Variants in AGBL4 observed in about 807,000 individuals in gnomAD.
AGBL4 encodes AGBL carboxypeptidase 4.
In AGBL4, 58 loss-of-function variants were observed where a neutral mutation model predicts 66.4. That is an observed-to-expected ratio of 0.87 (90% CI 0.71 to 1.09). AGBL4 has a LOEUF of 1.09. Among genes scored for constraint, AGBL4 ranks in the 50% least tolerant of loss-of-function variants. AGBL4 has a pLI of 0.00. For synonymous variants in AGBL4, 234 were observed against 222.9 expected (o/e 1.05, Z -0.44); for missense variants, 579 against 631.0 (o/e 0.92, Z 0.88).
intron 1 of AGBL4, among the ~76,000 whole-genome samples, chr1:49,938,651 T>C (rs555217675): frequency 1.3e-5 from 2 of 152,126 alleles, no homozygotes; most frequent in African/African-American, 2.4e-5. Flanking sequence ...TCCACCATGA[T>C]CAAGTGGGCT....
chr1:49,613,662 T>C (rs1645197401), intron 3 of AGBL4, among the ~76,000 whole-genome samples: 1 of 152,096 alleles, frequency 6.6e-6, no homozygotes, highest in African/African-American at 2.4e-5. Context: ...TCTGTCACTG[T>C]CTCCCATCAC....
At chr1:49,948,295 A>AAAATATATATAAATATATATAT (rs1557609269) in intron 1 of AGBL4, among the ~76,000 whole-genome samples, 4 of 107,732 alleles carry the variant, frequency 3.7e-5, no homozygotes, top group African/African-American at 1.6e-4. Flanking sequence ...TAAATATATA[A>AAAATATATATAAATATATATAT]AAATATATAT....
chr1:48,951,139 C>T (rs1294238514), intron 5 of AGBL4, among the ~76,000 whole-genome samples: 1 of 152,204 alleles, frequency 6.6e-6, no homozygotes, highest in Admixed American at 6.5e-5. Context: ...TAAGTCTAGA[C>T]TCAGCTCTCT....
intron 3 of AGBL4, among the ~76,000 whole-genome samples, chr1:49,582,894 G>A (rs1050312362): frequency 6.6e-6 from 1 of 152,150 alleles, no homozygotes; most frequent in Non-Finnish European, 1.5e-5. Flanking sequence ...CTATGCTCTT[G>A]CATGCCTATC....
chr1:49,333,187 A>ATAG (rs1438647040), intron 3 of AGBL4, among the ~76,000 whole-genome samples: 1 of 152,102 alleles, frequency 6.6e-6, no homozygotes, highest in Non-Finnish European at 1.5e-5. Context: ...AATAATAATA[A>ATAG]TAATAATAAA....
chr1:49,375,457 C>T (rs916764187), intron 3 of AGBL4, among the ~76,000 whole-genome samples: 7 of 151,980 alleles, frequency 4.6e-5, no homozygotes, highest in Admixed American at 4.6e-4. Context: ...CTTTAAAAGT[C>T]ACGGTGCCCT....
intron 4 of AGBL4, among the ~76,000 whole-genome samples, chr1:49,238,428 C>T (rs759978993): frequency 3.9e-5 from 6 of 152,060 alleles, no homozygotes; most frequent in Non-Finnish European, 8.8e-5. Context: ...TATTCAAGTT[C>T]ACTTATTCTC....
intron 3 of AGBL4, among the ~76,000 whole-genome samples, chr1:49,386,643 C>T (rs1271690976): frequency 6.6e-6 from 1 of 151,900 alleles, no homozygotes; most frequent in African/African-American, 2.4e-5. Flanking sequence ...TATCCCTGTT[C>T]ACTTGATGAT....
At chr1:49,362,479 A>T (rs760624702) in intron 3 of AGBL4, among the ~76,000 whole-genome samples, 4 of 149,494 alleles carry the variant, frequency 2.7e-5, no homozygotes, top group Non-Finnish European at 5.9e-5. Flanking sequence ...AAAAAGAGAG[A>T]ATCTAACTAC....
intron 4 of AGBL4, among the ~76,000 whole-genome samples, chr1:49,052,848 G>T (rs933353741): frequency 9.2e-5 from 14 of 152,194 alleles, no homozygotes; most frequent in African/African-American, 1.7e-4. Flanking sequence ...TGAATGAACA[G>T]ATAGGGCTAC....
chr1:49,540,835 T>C (rs924248661), intron 3 of AGBL4, among the ~76,000 whole-genome samples: 2 of 152,166 alleles, frequency 1.3e-5, no homozygotes, highest in African/African-American at 2.4e-5. Context: ...CTAAGTCCAA[T>C]CTTTATAAAC....
intron 3 of AGBL4, among the ~76,000 whole-genome samples, chr1:49,298,673 G>T (rs1644688260): frequency 6.6e-6 from 1 of 151,238 alleles, no homozygotes; most frequent in East Asian, 2.0e-4. Context: ...TAAGCTGTCT[G>T]GGAAAAAGGA....
intron 1 of AGBL4, among the ~76,000 whole-genome samples, chr1:49,911,172 G>A (rs1403845534): frequency 6.6e-6 from 1 of 152,200 alleles, no homozygotes; most frequent in Non-Finnish European, 1.5e-5. Context: ...TGGATGGAAT[G>A]TGGGAGTGGG....
chr1:48,862,743 C>T (rs965425431), intron 6 of AGBL4, among the ~76,000 whole-genome samples: 5 of 152,216 alleles, frequency 3.3e-5, no homozygotes, highest in African/African-American at 1.2e-4. Context: ...ATTTTGGTTA[C>T]ATCACTATCC....
chr1:49,817,177 T>A (rs1240399166), intron 2 of AGBL4, among the ~76,000 whole-genome samples: 1 of 152,102 alleles, frequency 6.6e-6, no homozygotes, highest in Non-Finnish European at 1.5e-5. Flanking sequence ...TTTGTTAGAG[T>A]ATGTTGAATA....
chr1:49,426,509 ATAAT>A (rs773001635), intron 3 of AGBL4, among the ~76,000 whole-genome samples: 2 of 152,212 alleles, frequency 1.3e-5, no homozygotes, highest in Admixed American at 6.5e-5. Flanking sequence ...AATATTAATA[ATAAT>A]TAATAAGAGC....
chr1:49,369,617 A>G (rs1444765655), intron 3 of AGBL4, among the ~76,000 whole-genome samples: 2 of 152,058 alleles, frequency 1.3e-5, no homozygotes, highest in Admixed American at 1.3e-4. Context: ...TAAATTTGGG[A>G]GTTTAGGTAG....
rs962745113 is a variant in AGBL4 at position 49,907,151 on chromosome 1, T to C, written c.35-55633A>G. Among the ~76,000 whole-genome samples, 4 of 152,116 alleles carry C rather than the reference T, an allele frequency of 2.6e-5. No homozygotes were observed. In the South Asian group the frequency reaches 8.3e-4, roughly 31 times the overall value. On this transcript the variant is annotated intron_variant, in intron 1 of 13. Transcript: ENST00000371839. The stretch of plus-strand genomic sequence containing the variant: ...AGTTGAATTATAAACAAGCACTTGA[T>C]CAAATATACAAAAGGTTGTAATTCA...
intron 4 of AGBL4, among the ~76,000 whole-genome samples, chr1:49,117,857 G>T (rs1004264007): frequency 2.0e-5 from 3 of 152,160 alleles, no homozygotes; most frequent in Non-Finnish European, 1.5e-5. Flanking sequence ...CATGAGCATG[G>T]AATATTCTTC....
Sources: gnomAD v4.1 joint callset for allele counts (sites outside exome capture counted in the v4.1 genomes callset) on GRCh38, gnomAD v4.1.1 for gene constraint, MANE v1.5 for transcripts, NCBI Gene and HGNC (gene_info 2026-07-23, HGNC 2026-07-21) for gene names.